The following ANKRD45 variants were observed in gnomAD, a reference collection of about 807,000 sequenced individuals.
ANKRD45 encodes ankyrin repeat domain 45.
A neutral mutation model predicts 28.1 loss-of-function variants in ANKRD45; 21 were observed. The observed-to-expected ratio is 0.75, with a 90% CI of 0.53 to 1.08. The LOEUF is 1.08. ANKRD45 is among the 50% of genes least tolerant of loss of function. The pLI is 0.00. For synonymous variants in ANKRD45, 86 were observed against 103.9 expected, an observed-to-expected ratio of 0.83 and a Z score of 1.05; for missense variants, 261 against 308.7, an observed-to-expected ratio of 0.85 and a Z score of 1.16.
intron 4 of ANKRD45, among the ~76,000 whole-genome samples, chr1:173,626,625 C>T (rs940471861): frequency 6.6e-6 from 1 of 152,086 alleles, no homozygotes; most frequent in African/African-American, 2.4e-5. Flanking sequence ...ATCCCACCCC[C>T]CGACTGCCTT....
At chr1:173,673,256 A>G (rs111618771), upstream of ANKRD45, among the ~76,000 whole-genome samples, 37 of 151,868 alleles carry the variant, frequency 2.4e-4, no homozygotes, top group Admixed American at 2.0e-4. Context: ...GATTACAGGC[A>G]CACATCACCA....
chr1:173,634,757 T>C, intron 3 of ANKRD45, among the ~76,000 whole-genome samples: 2 of 152,074 alleles, frequency 1.3e-5, no homozygotes, highest in South Asian at 4.1e-4. Context: ...ATTATTATAT[T>C]ACTTTTTGCT....
At chr1:173,637,476 G>A (rs1345177731) in intron 3 of ANKRD45, among the ~76,000 whole-genome samples, 1 of 152,188 alleles carries the variant, frequency 6.6e-6, no homozygotes, top group Non-Finnish European at 1.5e-5. Context: ...CAAGCATGAG[G>A]TCATAGCCTG....
At chr1:173,645,726 A>G (rs1018415612) in intron 3 of ANKRD45, among the ~76,000 whole-genome samples, 1 of 152,178 alleles carries the variant, frequency 6.6e-6, no homozygotes, top group Non-Finnish European at 1.5e-5. Context: ...CAATCTTGTC[A>G]CCATCCTCCA....
At chr1:173,672,558 T>C (rs1288087456), upstream of ANKRD45, among the ~76,000 whole-genome samples, 1 of 152,198 alleles carries the variant, frequency 6.6e-6, no homozygotes, top group Non-Finnish European at 1.5e-5. Flanking sequence ...AAAAATTAAA[T>C]AGAACTTTTA....
chr1:173,700,944 A>G, the ANKRD45 span, among the ~76,000 whole-genome samples: 1 of 152,260 alleles, frequency 6.6e-6, no homozygotes, highest in Non-Finnish European at 1.5e-5. Flanking sequence ...GCTAATATCC[A>G]GAATCTACAA....
In ANKRD45 at chr1:173,648,780, T is replaced by A. The variant is rs76117982; in HGVS notation, c.329-1767A>T. On this transcript the variant is annotated intron_variant, in intron 2 of 5. Transcript: ENST00000333279. ...TCACAATACTACCTTCCTTGAATAG[T>A]GTTAGGGACACAATGCCAAATATTG... Among the ~76,000 whole-genome samples the A allele has an allele frequency of 6.3e-3, 964 of 152,338 alleles. 9 individuals carry two copies. The highest frequency in any genetic ancestry group is 0.022 in the African/African-American group (935 of 41,574).
At chr1:173,679,388 C>T in the ANKRD45 span, among the ~76,000 whole-genome samples, 1 of 152,086 alleles carries the variant, frequency 6.6e-6, no homozygotes, top group Non-Finnish European at 1.5e-5. Flanking sequence ...TCAGAAATAA[C>T]ACCACACATC....
chr1:173,706,243 G>C, the ANKRD45 span, among the ~76,000 whole-genome samples: 1 of 143,402 alleles, frequency 7.0e-6, no homozygotes, highest in Non-Finnish European at 1.5e-5. Context: ...TGGAGGTTGC[G>C]ATGAGCTGAG....
intron 5 of ANKRD45, among the ~76,000 whole-genome samples, chr1:173,623,890 G>C (rs1461550273): frequency 6.8e-6 from 1 of 147,890 alleles, no homozygotes; most frequent in Admixed American, 6.9e-5. Context: ...GTTCTCACTT[G>C]TAAGTGGGAG....
At chr1:173,707,135 G>GT in the ANKRD45 span, among the ~76,000 whole-genome samples, 1 of 151,400 alleles carries the variant, frequency 6.6e-6, no homozygotes, top group Non-Finnish European at 1.5e-5. Context: ...TATGTTATTT[G>GT]TTTTTTTCTC....
chr1:173,710,908 G>A, the ANKRD45 span, among the ~76,000 whole-genome samples: 1 of 152,112 alleles, frequency 6.6e-6, no homozygotes, highest in Non-Finnish European at 1.5e-5. Flanking sequence ...ACTGTAACAA[G>A]GGGAGAGGAT....
chr1:173,610,656 G>A (rs1017603333), intron 5 of ANKRD45, among the ~76,000 whole-genome samples: 2 of 152,120 alleles, frequency 1.3e-5, no homozygotes, highest in South Asian at 4.2e-4. Context: ...TGTTGGGCCA[G>A]GTTAATGGTA....
chr1:173,665,667 G>A (rs935831611), intron 1 of ANKRD45, among the ~76,000 whole-genome samples: 1 of 151,990 alleles, frequency 6.6e-6, no homozygotes, highest in Non-Finnish European at 1.5e-5. Flanking sequence ...AGAACCCCAG[G>A]GAATTTTTGT....
the ANKRD45 span, among the ~76,000 whole-genome samples, chr1:173,699,438 A>G: frequency 6.6e-6 from 1 of 152,236 alleles, no homozygotes; most frequent in Non-Finnish European, 1.5e-5. Context: ...ATACTGGCAA[A>G]CTGAATCCAG....
chr1:173,613,732 A>C (rs1206689611), intron 5 of ANKRD45, among the ~76,000 whole-genome samples: 5 of 152,026 alleles, frequency 3.3e-5, no homozygotes, highest in Admixed American at 2.0e-4. Flanking sequence ...GGAAGTGAGG[A>C]TCCCCTCTAC....
chr1:173,648,373 C>T (rs1571749356), intron 2 of ANKRD45, among the ~76,000 whole-genome samples: 1 of 152,178 alleles, frequency 6.6e-6, no homozygotes, highest in Admixed American at 6.5e-5. Flanking sequence ...CACACCCAGC[C>T]ACTCTGAACT....
chr1:173,709,838 C>T, the ANKRD45 span, among the ~76,000 whole-genome samples: 1 of 152,102 alleles, frequency 6.6e-6, no homozygotes, highest in Non-Finnish European at 1.5e-5. Flanking sequence ...GCCTATGTTG[C>T]CCAAGCTGGT....
At chr1:173,647,140 G>A (rs1457448384) in intron 2 of ANKRD45, 127 bp from the exon 3 acceptor site, 7 of 802,594 alleles carry the variant, frequency 8.7e-6, no homozygotes, top group Non-Finnish European at 1.1e-5. Flanking sequence ...TATTCTAACT[G>A]TCTTACATAT....
Sources: gnomAD v4.1 joint callset for allele counts (sites outside exome capture counted in the v4.1 genomes callset) on GRCh38, gnomAD v4.1.1 for gene constraint, MANE v1.5 for transcripts, NCBI Gene and HGNC (gene_info 2026-07-23, HGNC 2026-07-21) for gene names.